The following SGMS2 variants were observed in gnomAD, a reference collection of about 807,000 sequenced individuals.
SGMS2 encodes phosphatidylcholine:ceramide cholinephosphotransferase 2.
In SGMS2, 21 loss-of-function variants were observed where a neutral mutation model predicts 43.8. That is an observed-to-expected ratio of 0.48 (90% CI 0.34 to 0.69). SGMS2 has a LOEUF of 0.69. Ranked by LOEUF, SGMS2 falls within the 30% of genes least tolerant of loss-of-function variation. The pLI is 0.01. For missense variants in SGMS2, 384 were observed against 443.2 expected (o/e 0.87, Z 1.20); for synonymous variants, 167 against 160.6 (o/e 1.04, Z -0.30).
rs116134529 is a variant in SGMS2, at chr4:107,859,050, A to T, written c.-245+497A>T. Among the ~76,000 whole-genome samples the T allele has an allele frequency of 4.8e-3, 733 of 152,340 alleles. 5 individuals are homozygous for T. Among genetic ancestry groups the T allele is most frequent in the African/African-American group, 0.017 (705 of 41,578 alleles). On this transcript the variant is annotated intron_variant, in intron 2 of 6. Coordinates refer to ENST00000690982, the MANE Select transcript of SGMS2 (RefSeq NM_001375905.1). ...GAGCTGTGGCAGTTATACCCATTCT[A>T]TGCCCACTGAGGAAGAAGAGGTTTT...
At chr4:107,881,777 C>A (rs2126084047) in intron 2 of SGMS2, among the ~76,000 whole-genome samples, 1 of 152,268 alleles carries the variant, frequency 6.6e-6, no homozygotes, top group South Asian at 2.1e-4. Context: ...ACTACTCTTC[C>A]CAGCCTCTGG....
chr4:107,896,000 G>A lies in SGMS2; in HGVS notation c.447G>A (p.Leu149=). The change falls in exon 3 of 7, where the codon CTG becomes CTA. Residue 149 remains leucine (L), a synonymous_variant. Transcript: ENST00000690982. ...TATGGATCACCCAGTGGCTGTTTCT[G>A]AGATACAAGTAAGTAAATCTAATGT... The part of the protein sequence containing the change: ...VGLWITQWLF[L]RYKSIVGRRF... 1 of 1,608,568 alleles carries A rather than the reference G, an allele frequency of 6.2e-7. No homozygotes were observed. Among genetic ancestry groups the A allele is most frequent in the Non-Finnish European group, 8.5e-7 (1 of 1,176,010 alleles).
chr4:107,878,282 C>A (rs1729082632), intron 2 of SGMS2, among the ~76,000 whole-genome samples: 1 of 152,100 alleles, frequency 6.6e-6, no homozygotes, highest in Non-Finnish European at 1.5e-5. Flanking sequence ...TTTGGGGAGT[C>A]CCGTCTTCCC....
chr4:107,833,717 G>A (rs1726019547), intron 1 of SGMS2, among the ~76,000 whole-genome samples: 1 of 152,172 alleles, frequency 6.6e-6, no homozygotes, highest in Non-Finnish European at 1.5e-5. Flanking sequence ...TGCACGGAAG[G>A]GGGAATTCAG....
intron 2 of SGMS2, among the ~76,000 whole-genome samples, chr4:107,885,461 A>C (rs947730814): frequency 6.6e-6 from 1 of 152,194 alleles, no homozygotes; most frequent in African/African-American, 2.4e-5. Flanking sequence ...TTTGATGTCA[A>C]TATCACACAA....
In SGMS2 at chr4:107,911,126, C is replaced by A. The variant is rs1344576367; in HGVS notation, c.*573C>A. The A allele has an allele frequency of 6.6e-6, 1 of 152,174 alleles. No homozygotes were observed. The highest frequency in any genetic ancestry group is 1.5e-5 in the Non-Finnish European group (1 of 68,080). The allele number at this position is 152,174 out of a possible 1,614,324, so 9.4% of individuals were successfully genotyped here. A position where few individuals can be genotyped will look rare whatever the true frequency, so the allele number is the denominator to read the frequency against. On this transcript the variant is annotated 3_prime_UTR_variant, in exon 7 of 7. Coordinates refer to ENST00000690982, the MANE Select transcript of SGMS2 (RefSeq NM_001375905.1). ...CACACTGCTGCTGCCACCCAATGCG[C>A]TACATATCACTTTTTTTTGTTTTGT...
Position 107,913,974 on chromosome 4 carries a change from G to T in SGMS2, c.*3421G>T, listed in dbSNP as rs1732287256. 6.6e-6 allele frequency: 1 copy of T among 152,136 alleles called. No individual in the cohort carries two copies. 9.4% of individuals were successfully genotyped at this position (152,136 alleles called of 1,614,324 possible). On this transcript the variant is annotated 3_prime_UTR_variant, in exon 7 of 7. Transcript: ENST00000690982. ...AGCCAATCTTAATGCACTAGCCTCT[G>T]TAGTGTAAGGAAGTGTGAGAAGGAG... is the stretch of plus-strand genomic sequence containing the variant.
At chr4:107,860,916 G>A (rs1470066611) in intron 2 of SGMS2, among the ~76,000 whole-genome samples, 2 of 152,164 alleles carry the variant, frequency 1.3e-5, no homozygotes, top group Non-Finnish European at 2.9e-5. Flanking sequence ...TAGCTTAAAT[G>A]TCAGACTGGG....
chr4:107,900,594 G>T (rs1560671498), intron 4 of SGMS2, among the ~76,000 whole-genome samples: 2 of 152,134 alleles, frequency 1.3e-5, no homozygotes, highest in Non-Finnish European at 2.9e-5. Context: ...TCCTAAGAAG[G>T]AATTACAGTT....
At chr4:107,898,540 G>A (rs1015481641) in intron 3 of SGMS2, among the ~76,000 whole-genome samples, 2 of 152,066 alleles carry the variant, frequency 1.3e-5, no homozygotes, top group Admixed American at 1.3e-4. Flanking sequence ...GTTTTATGCA[G>A]TAATGAAGTT....
chr4:107,849,728 G>T (rs1727033269), intron 1 of SGMS2, among the ~76,000 whole-genome samples: 1 of 152,108 alleles, frequency 6.6e-6, no homozygotes, highest in East Asian at 1.9e-4. Context: ...AATAGTTTTT[G>T]CCCATGGTCT....
At chr4:107,861,692 T>C (rs1301476777) in intron 2 of SGMS2, among the ~76,000 whole-genome samples, 1 of 152,176 alleles carries the variant, frequency 6.6e-6, no homozygotes, top group Non-Finnish European at 1.5e-5. Flanking sequence ...GAAAAATATT[T>C]TGGAGGAGAT....
intron 1 of SGMS2, among the ~76,000 whole-genome samples, chr4:107,858,099 C>G (rs1727528020): frequency 6.6e-6 from 1 of 151,874 alleles, no homozygotes; most frequent in Non-Finnish European, 1.5e-5. Flanking sequence ...ACCACATCAG[C>G]CTTGCCCTGA....
At chr4:107,910,296 GGAT>G in intron 6 of SGMS2, 51 bp from the exon 7 acceptor site, 26 of 1,416,400 alleles carry the variant, frequency 1.8e-5, no homozygotes, top group Non-Finnish European at 2.6e-5. Flanking sequence ...AAAATAATTG[GGAT>G]GCAAATTGAG....
Position 107,870,291 on chromosome 4 carries a change from A to G in SGMS2, c.-245+11738A>G, listed in dbSNP as rs116151487. 4.5e-3 allele frequency among the ~76,000 whole-genome samples: 692 copies of G among 152,324 alleles called. 5 individuals are homozygous for G. The highest frequency in any genetic ancestry group is 0.016 in the African/African-American group (664 of 41,570). On this transcript the variant is annotated intron_variant, in intron 2 of 6. Coordinates refer to ENST00000690982, the MANE Select transcript of SGMS2 (RefSeq NM_001375905.1). ...GTGAAAAGAAAGCAGAGGTAAATAGATGGGAGATTAAAATGGACAGGATTT... is the reference window on the plus strand; with the variant it reads ...GTGAAAAGAAAGCAGAGGTAAATAGGTGGGAGATTAAAATGGACAGGATTT...
intron 1 of SGMS2, among the ~76,000 whole-genome samples, chr4:107,828,374 T>C (rs1725713367): frequency 6.6e-6 from 1 of 152,180 alleles, no homozygotes; most frequent in African/African-American, 2.4e-5. Flanking sequence ...ATACAACTGT[T>C]TTAGGGAAAT....
intron 1 of SGMS2, among the ~76,000 whole-genome samples, chr4:107,850,472 A>G (rs1337015936): frequency 6.6e-6 from 1 of 151,932 alleles, no homozygotes; most frequent in Admixed American, 6.6e-5. Context: ...CAAGCTTTAG[A>G]CTCTTTATGG....
intron 2 of SGMS2, chr4:107,893,227 T>C (rs1730384000): frequency 1.3e-5 from 2 of 152,214 alleles, no homozygotes; most frequent in Admixed American, 6.5e-5. Context: ...TTCTGTGTTC[T>C]AGAACCGAGT....
At chr4:107,840,028 A>G (rs540978890) in intron 1 of SGMS2, among the ~76,000 whole-genome samples, 4 of 152,152 alleles carry the variant, frequency 2.6e-5, no homozygotes, top group Non-Finnish European at 5.9e-5. Flanking sequence ...TGGATGTTAA[A>G]TTATATGGTC....
Sources: gnomAD v4.1 joint callset for allele counts (sites outside exome capture counted in the v4.1 genomes callset) on GRCh38, gnomAD v4.1.1 for gene constraint, MANE v1.5 for transcripts, NCBI Gene and HGNC (gene_info 2026-07-23, HGNC 2026-07-21) for gene names.